The following NOL4 variants were observed in gnomAD, a reference collection of about 807,000 sequenced individuals.
NOL4 encodes the protein nucleolar protein 4.
NOL4 carries 17 observed loss-of-function variants against 75.9 expected under a neutral mutation model. The ratio of observed to expected loss-of-function variants is 0.22; its 90% CI spans 0.15 to 0.34. The LOEUF (loss-of-function observed/expected upper bound fraction) is 0.34. Ranked by LOEUF, NOL4 falls within the 10% of genes least tolerant of loss-of-function variation. NOL4 has a pLI of 1.00. For synonymous variants in NOL4, 292 were observed against 289.9 expected, an observed-to-expected ratio of 1.01 and a Z score of -0.07; for missense variants, 614 against 793.5, an observed-to-expected ratio of 0.77 and a Z score of 2.72.
chr18:33,879,951 C>T (rs2064159343), intron 10 of NOL4, among the ~76,000 whole-genome samples: 1 of 152,012 alleles, frequency 6.6e-6, no homozygotes, highest in African/African-American at 2.4e-5. Context: ...TCAAATTCCA[C>T]TCTAACTTTT....
chr18:34,019,558 C>A lies in NOL4; in HGVS notation c.816G>T (p.Gly272=). 1 of 1,613,860 alleles carries A rather than the reference C, an allele frequency of 6.2e-7. No homozygotes were observed. The highest frequency in any genetic ancestry group is 2.2e-5 in the East Asian group (1 of 44,830). Residue 272 remains glycine, a synonymous_variant, in exon 6 of 11, where the codon GGG becomes GGT. Coordinates refer to ENST00000261592, the MANE Select transcript of NOL4 (RefSeq NM_003787.5). ...AESFNGNETL[G]HSSIASGGTH... is the part of the protein sequence containing the mutation. The stretch of plus-strand genomic sequence containing the variant: ...TTCCCCCTGAAGCAATTGAACTGTG[C>A]CCCAGAGTCTCATTGCCATTAAAGC...
chr18:33,987,859 C>T (rs896452198), intron 6 of NOL4, among the ~76,000 whole-genome samples: 1 of 151,984 alleles, frequency 6.6e-6, no homozygotes, highest in Non-Finnish European at 1.5e-5. Context: ...CTTGGAGCCA[C>T]CCTGATGTCC....
At chr18:34,091,851 A>T (rs998749923) in intron 5 of NOL4, among the ~76,000 whole-genome samples, 2 of 152,124 alleles carry the variant, frequency 1.3e-5, no homozygotes, top group East Asian at 1.9e-4. Context: ...AATATCATCA[A>T]TATATCATGA....
chr18:34,045,660 A>T (rs987661725), intron 5 of NOL4, among the ~76,000 whole-genome samples: 20 of 152,186 alleles, frequency 1.3e-4, no homozygotes, highest in Admixed American at 8.5e-4. Context: ...GAGACATATG[A>T]AGTCAAACTT....
chr18:34,063,914 A>AAGTGCT (rs1452863648), intron 5 of NOL4, among the ~76,000 whole-genome samples: 1 of 152,052 alleles, frequency 6.6e-6, no homozygotes, highest in Non-Finnish European at 1.5e-5. Context: ...AGTTCTACAA[A>AAGTGCT]AGTGCTTTTA....
At chr18:33,944,033 G>GT (rs5823930) in intron 8 of NOL4, among the ~76,000 whole-genome samples, 48 of 151,396 alleles carry the variant, frequency 3.2e-4, no homozygotes, top group African/African-American at 8.0e-4. Context: ...TAATATAGAA[G>GT]TTTTTTTTAA....
intron 1 of NOL4, among the ~76,000 whole-genome samples, chr18:34,168,422 T>C (rs1211061007): frequency 6.6e-6 from 1 of 151,560 alleles, no homozygotes; most frequent in Non-Finnish European, 1.5e-5. Flanking sequence ...CTAAAGGAAC[T>C]TCTAAAGCAA....
chr18:34,053,369 C>T (rs779445591), intron 5 of NOL4, among the ~76,000 whole-genome samples: 59 of 151,958 alleles, frequency 3.9e-4, no homozygotes, highest in South Asian at 1.0e-3. Context: ...AGCCAAGGAC[C>T]ATTAGGGAGG....
At chr18:33,921,242 A>G (rs1249043488) in intron 9 of NOL4, among the ~76,000 whole-genome samples, 2 of 152,166 alleles carry the variant, frequency 1.3e-5, no homozygotes, top group Non-Finnish European at 2.9e-5. Flanking sequence ...ATTTAAAGAC[A>G]ATATTTGGGA....
intron 1 of NOL4, among the ~76,000 whole-genome samples, chr18:34,163,445 C>A (rs1047739469): frequency 6.6e-6 from 1 of 151,752 alleles, no homozygotes; most frequent in Non-Finnish European, 1.5e-5. Flanking sequence ...TATACACCAA[C>A]AACAGACAAA....
At chr18:34,055,928 A>T (rs1439939714) in intron 5 of NOL4, among the ~76,000 whole-genome samples, 1 of 151,924 alleles carries the variant, frequency 6.6e-6, no homozygotes, top group Non-Finnish European at 1.5e-5. Context: ...TCAGCAATTC[A>T]GTTATTATAT....
At chr18:34,093,636 T>A in intron 4 of NOL4, 39 bp from the exon 5 acceptor site, 1 of 1,450,212 alleles carries the variant, frequency 6.9e-7, no homozygotes, top group African/African-American at 1.4e-5. Flanking sequence ...CATTTTAACG[T>A]ATAATACGTT....
intron 1 of NOL4, among the ~76,000 whole-genome samples, chr18:34,137,806 A>ACACACACACG (rs1452666829): frequency 4.0e-5 from 6 of 151,816 alleles, no homozygotes; most frequent in South Asian, 2.1e-4. Flanking sequence ...ACACACACAC[A>ACACACACACG]CACGCACGCA....
At chr18:34,029,537 A>G (rs963968614) in intron 5 of NOL4, among the ~76,000 whole-genome samples, 4 of 152,160 alleles carry the variant, frequency 2.6e-5, no homozygotes, top group African/African-American at 9.7e-5. Flanking sequence ...TATGTGCCAA[A>G]GCCCACTTAA....
chr18:34,077,656 C>G (rs1197138538), intron 5 of NOL4, among the ~76,000 whole-genome samples: 1 of 151,896 alleles, frequency 6.6e-6, no homozygotes, highest in African/African-American at 2.4e-5. Context: ...GAATTAAAGT[C>G]TACAGAATAA....
At chr18:34,047,161 T>C (rs558174190) in intron 5 of NOL4, among the ~76,000 whole-genome samples, 3 of 152,268 alleles carry the variant, frequency 2.0e-5, no homozygotes, top group East Asian at 3.9e-4. Flanking sequence ...TCTTCTAGCA[T>C]TAAGTTTCAG....
At chr18:34,165,469 T>A (rs1013026677) in intron 1 of NOL4, among the ~76,000 whole-genome samples, 8 of 152,164 alleles carry the variant, frequency 5.3e-5, no homozygotes, top group Non-Finnish European at 1.2e-4. Context: ...GTATTTCACA[T>A]AGCATTAGAA....
chr18:33,961,204 G>C (rs2070097707), intron 6 of NOL4, among the ~76,000 whole-genome samples: 1 of 152,058 alleles, frequency 6.6e-6, no homozygotes, highest in Admixed American at 6.6e-5. Flanking sequence ...ACGGTGTCCA[G>C]GTATTTGGCT....
At chr18:34,220,532 T>C (rs1300085599) in intron 1 of NOL4, among the ~76,000 whole-genome samples, 1 of 152,130 alleles carries the variant, frequency 6.6e-6, no homozygotes, top group Non-Finnish European at 1.5e-5. Context: ...ACTCCTACCA[T>C]CGGAAAGAAA....
Sources: gnomAD v4.1 joint callset for allele counts (sites outside exome capture counted in the v4.1 genomes callset) on GRCh38, gnomAD v4.1.1 for gene constraint, MANE v1.5 for transcripts, NCBI Gene and HGNC (gene_info 2026-07-23, HGNC 2026-07-21) for gene names.